Variants in ATAD2B observed in about 807,000 individuals in gnomAD.
ATAD2B encodes the protein ATPase family AAA domain-containing protein 2B.
Under a neutral mutation model 167.6 loss-of-function variants are expected in ATAD2B, and 40 were observed. The ratio of observed to expected loss-of-function variants is 0.24; its 90% CI spans 0.19 to 0.31. The LOEUF is 0.31. ATAD2B is among the 10% of genes least tolerant of loss of function. ATAD2B has a pLI of 1.00. For synonymous variants in ATAD2B, 579 were observed against 596.5 expected (o/e 0.97, Z 0.43); for missense variants, 1,242 against 1,757.2 (o/e 0.71, Z 5.24).
chr2:23,842,693 A>T (rs1691116814), intron 13 of ATAD2B, among the ~76,000 whole-genome samples: 1 of 152,180 alleles, frequency 6.6e-6, no homozygotes, highest in Non-Finnish European at 1.5e-5. Flanking sequence ...GGGGGACCAC[A>T]AAAGGGCAAG....
At chr2:23,754,507 A>G in intron 26 of ATAD2B, 140 bp downstream of exon 26, 1 of 1,189,230 alleles carries the variant, frequency 8.4e-7, no homozygotes, top group Non-Finnish European at 1.2e-6. Flanking sequence ...TAAAATACAC[A>G]TAACTCTTTT....
At chr2:23,687,830 C>A in the ATAD2B span, among the ~76,000 whole-genome samples, 2 of 152,090 alleles carry the variant, frequency 1.3e-5, no homozygotes, top group African/African-American at 2.4e-5. Context: ...GCAGGGGACG[C>A]GGCTGGAGGG....
chr2:23,692,001 T>C, the ATAD2B span: 1 of 915,144 alleles, frequency 1.1e-6, no homozygotes, highest in Non-Finnish European at 1.6e-6. Flanking sequence ...CACATGTGGC[T>C]GAGTTTGGCA....
chr2:23,835,374 A>G lies in ATAD2B; in HGVS notation c.1569-1296T>C, dbSNP rs535902566. 5.9e-5 allele frequency among the ~76,000 whole-genome samples: 9 copies of G among 152,360 alleles called. No individual in the cohort carries two copies. The South Asian group carries it at 1.7e-3, about 28-fold the overall frequency. On this transcript the variant is annotated intron_variant, in intron 13 of 27. Coordinates refer to ENST00000238789, the MANE Select transcript of ATAD2B (RefSeq NM_017552.4). ...CCAACAGCTACAACAACATGGATGA[A>G]TCTTGTAATCACTTTGCTAAGGAAG...
intron 22 of ATAD2B, among the ~76,000 whole-genome samples, chr2:23,772,962 A>G (rs1045894377): frequency 6.6e-6 from 1 of 152,168 alleles, no homozygotes; most frequent in Non-Finnish European, 1.5e-5. Flanking sequence ...CACTGGCCTC[A>G]CATTCCTGGG....
At chr2:23,870,176 C>T (rs186037352) in intron 8 of ATAD2B, among the ~76,000 whole-genome samples, 2,084 of 149,312 alleles carry the variant, frequency 0.014, 19 homozygotes, top group Non-Finnish European at 0.023. Flanking sequence ...CAGTGCACTC[C>T]AGCCTGGGTG....
rs756619737 is a variant in ATAD2B at position 23,823,249 on chromosome 2, T to G, written c.2131+9A>C. On this transcript the variant is annotated intron_variant, in intron 16 of 27. Coordinates refer to ENST00000238789, the MANE Select transcript of ATAD2B (RefSeq NM_017552.4). ...CATCTTAACAATATAAAAAAGTAGTTTAGAGTACCTTCTTTTTTGTCACTC... is the reference window on the plus strand; with the variant it reads ...CATCTTAACAATATAAAAAAGTAGTGTAGAGTACCTTCTTTTTTGTCACTC... 6.3e-7 allele frequency: 1 copy of G among 1,596,308 alleles called. No individual in the cohort carries two copies. The highest frequency in any genetic ancestry group is 8.6e-7 in the Non-Finnish European group (1 of 1,168,502).
intron 13 of ATAD2B, among the ~76,000 whole-genome samples, chr2:23,849,595 G>A (rs558893568): frequency 1.1e-4 from 17 of 152,332 alleles, no homozygotes; most frequent in Non-Finnish European, 1.6e-4. Context: ...ACTGCCTGTC[G>A]AGGCAGGCAG....
intron 21 of ATAD2B, chr2:23,785,792 A>G: frequency 5.1e-6 from 2 of 394,156 alleles, no homozygotes; most frequent in Non-Finnish European, 9.0e-6. Flanking sequence ...GAAGAGTAAG[A>G]GACCACAAAG....
the ATAD2B span, among the ~76,000 whole-genome samples, chr2:23,709,735 C>G: frequency 6.6e-6 from 1 of 152,078 alleles, no homozygotes; most frequent in Admixed American, 6.5e-5. Flanking sequence ...GGACCATACT[C>G]TTGTCAAATA....
At chr2:23,711,154 G>A in the ATAD2B span, among the ~76,000 whole-genome samples, 9 of 151,926 alleles carry the variant, frequency 5.9e-5, no homozygotes, top group African/African-American at 2.2e-4. Context: ...GGTAAGATGT[G>A]TATCTTTTTA....
intron 12 of ATAD2B, among the ~76,000 whole-genome samples, chr2:23,859,230 T>C (rs560125397): frequency 6.6e-6 from 1 of 152,336 alleles, no homozygotes; most frequent in South Asian, 2.1e-4. Flanking sequence ...ATATTGCTTT[T>C]CCTATGCTGC....
chr2:23,767,582 T>C (rs1199884185), intron 22 of ATAD2B, among the ~76,000 whole-genome samples: 2 of 152,214 alleles, frequency 1.3e-5, no homozygotes, highest in East Asian at 1.9e-4. Context: ...TCAGATTGTA[T>C]CCTAAGAGCA....
chr2:23,772,913 C>A (rs1678556530), intron 22 of ATAD2B, among the ~76,000 whole-genome samples: 1 of 152,080 alleles, frequency 6.6e-6, no homozygotes, highest in Non-Finnish European at 1.5e-5. Flanking sequence ...AATTTTTGTA[C>A]TTTTTGTAGA....
At chr2:23,822,234 T>C (rs1687553983) in intron 16 of ATAD2B, among the ~76,000 whole-genome samples, 1 of 152,178 alleles carries the variant, frequency 6.6e-6, no homozygotes, top group African/African-American at 2.4e-5. Context: ...TGAATGACCT[T>C]ATATTAATTA....
chr2:23,692,327 G>C, the ATAD2B span, among the ~76,000 whole-genome samples: 1 of 152,236 alleles, frequency 6.6e-6, no homozygotes. Flanking sequence ...TGTCCCTTGA[G>C]TACCCAGATC....
chr2:23,823,291 G>A lies in ATAD2B; in HGVS notation c.2098C>T (p.His700Tyr), dbSNP rs1234055991. 1.2e-6 allele frequency: 2 copies of A among 1,612,716 alleles called. No individual in the cohort carries two copies. Among genetic ancestry groups the A allele is most frequent in the Non-Finnish European group, 1.7e-6 (2 of 1,179,114 alleles). ...ILAVLQKVFPHAEISQSDKKE... is the reference protein window; with the variant it reads ...ILAVLQKVFPYAEISQSDKKE... ...TTGTCACTCTGGCTAATTTCAGCATGAGGAAACACTTTTTGCAAGACTGCT... is the reference window on the plus strand; with the variant it reads ...TTGTCACTCTGGCTAATTTCAGCATAAGGAAACACTTTTTGCAAGACTGCT... Residue 700 changes from histidine to tyrosine, a missense_variant, in exon 16 of 28, where the codon CAT becomes TAT. His to Tyr is a moderately conservative substitution (Grantham distance 83). Around this residue, in one of 9 missense-constraint regions of ATAD2B, gnomAD observed 145 missense variants for 181.9 expected, o/e 0.80. Transcript: ENST00000238789.
chr2:23,808,993 GA>G (rs1685100030), intron 18 of ATAD2B: 1 of 152,048 alleles, frequency 6.6e-6, no homozygotes, highest in African/African-American at 2.4e-5. Context: ...ATTCACCTGT[GA>G]AACCATCTAT....
At chr2:23,812,099 A>G (rs895143484) in intron 17 of ATAD2B, among the ~76,000 whole-genome samples, 2 of 152,090 alleles carry the variant, frequency 1.3e-5, no homozygotes, top group Non-Finnish European at 2.9e-5. Context: ...AGAATAAAGC[A>G]AATTTAAAAT....
Sources: gnomAD v4.1 joint callset for allele counts (sites outside exome capture counted in the v4.1 genomes callset) on GRCh38, gnomAD v4.1.1 for gene constraint, gnomAD v4.1.1 regional missense constraint, MANE v1.5 for transcripts, NCBI Gene and HGNC (gene_info 2026-07-23, HGNC 2026-07-21) for gene names.